The following METTL15 variants were observed in gnomAD, a reference collection of about 807,000 sequenced individuals.
METTL15 encodes methyltransferase 15, mitochondrial 12S rRNA N4-cytidine.
In METTL15, 34 loss-of-function variants were observed where a neutral mutation model predicts 38.3. The ratio of observed to expected loss-of-function variants is 0.89; its 90% CI spans 0.68 to 1.18. The LOEUF (loss-of-function observed/expected upper bound fraction) is 1.18, where lower values mean the gene tolerates loss of function less well. Among genes scored for constraint, METTL15 ranks in the 50% most tolerant of loss-of-function variants. METTL15 has a pLI of 0.00. For missense variants in METTL15, 438 were observed against 498.4 expected (o/e 0.88, Z 1.15); for synonymous variants, 162 against 170.9 (o/e 0.95, Z 0.41).
chr11:28,260,938 C>G (rs1351077857), intron 4 of METTL15, among the ~76,000 whole-genome samples: 6 of 152,148 alleles, frequency 3.9e-5, no homozygotes, highest in Admixed American at 2.6e-4. Context: ...TTGGTAGTTA[C>G]TGTACCTGGG....
intron 3 of METTL15, chr11:28,145,750 A>G (rs1332713251): frequency 1.3e-5 from 2 of 152,124 alleles, no homozygotes; most frequent in African/African-American, 2.4e-5. Flanking sequence ...GATAAACTGT[A>G]TAATAAAAGT....
intron 3 of METTL15, among the ~76,000 whole-genome samples, chr11:28,169,759 T>C (rs780741472): frequency 6.6e-6 from 1 of 152,038 alleles, no homozygotes; most frequent in Non-Finnish European, 1.5e-5. Context: ...TCAAAGTTAA[T>C]ATAAGCCTTT....
chr11:28,182,810 G>T (rs1231615332), intron 3 of METTL15, among the ~76,000 whole-genome samples: 1 of 152,100 alleles, frequency 6.6e-6, no homozygotes, highest in Non-Finnish European at 1.5e-5. Flanking sequence ...GTGGTAGCTT[G>T]ATGGGGATAG....
At chr11:28,354,123 A>G (rs1590342770) in intron 4 of METTL15, among the ~76,000 whole-genome samples, 1 of 152,162 alleles carries the variant, frequency 6.6e-6, no homozygotes, top group Admixed American at 6.5e-5. Flanking sequence ...GAGGGAAATA[A>G]TGAGAGAGAG....
At chr11:28,456,134 G>A (rs1277684556) in intron 6 of METTL15, among the ~76,000 whole-genome samples, 2 of 151,570 alleles carry the variant, frequency 1.3e-5, no homozygotes, top group Admixed American at 1.3e-4. Flanking sequence ...GCCTCATGAG[G>A]AGCTGGGACT....
intron 5 of METTL15, among the ~76,000 whole-genome samples, chr11:28,383,546 CT>C (rs1450152703): frequency 2.0e-5 from 3 of 152,112 alleles, no homozygotes; most frequent in Admixed American, 6.6e-5. Flanking sequence ...TGCCACACTG[CT>C]TTTTACAATG....
chr11:28,224,826 G>T (rs1224920942), intron 4 of METTL15, among the ~76,000 whole-genome samples: 2 of 151,570 alleles, frequency 1.3e-5, no homozygotes, highest in Non-Finnish European at 3.0e-5. Flanking sequence ...GGATACATTG[G>T]TGTTATCTTT....
intron 6 of METTL15, among the ~76,000 whole-genome samples, chr11:28,457,570 C>T (rs955200288): frequency 1.3e-5 from 2 of 152,160 alleles, no homozygotes; most frequent in African/African-American, 2.4e-5. Flanking sequence ...TTAGATGCTA[C>T]GTGACTTCAT....
chr11:28,506,297 T>G (rs1172761233), intron 6 of METTL15, among the ~76,000 whole-genome samples: 2 of 152,354 alleles, frequency 1.3e-5, no homozygotes, highest in East Asian at 3.9e-4. Context: ...TCCTGTGATG[T>G]AACAGAATAA....
intron 6 of METTL15, among the ~76,000 whole-genome samples, chr11:28,440,291 A>G (rs554522735): frequency 6.6e-6 from 1 of 152,222 alleles, no homozygotes; most frequent in Non-Finnish European, 1.5e-5. Flanking sequence ...CATAATCATT[A>G]CAATCATGAC....
intron 3 of METTL15, among the ~76,000 whole-genome samples, chr11:28,168,807 T>G (rs998614524): frequency 9.2e-5 from 14 of 151,956 alleles, no homozygotes; most frequent in African/African-American, 2.4e-4. Flanking sequence ...ATTTAAAAAT[T>G]TACATGGAGA....
intron 5 of METTL15, among the ~76,000 whole-genome samples, chr11:28,419,639 G>A (rs890976103): frequency 6.6e-6 from 1 of 152,062 alleles, no homozygotes; most frequent in Non-Finnish European, 1.5e-5. Context: ...ATATCATCCA[G>A]GAAAACATGA....
chr11:28,108,634 G>A (rs1032815393), intron 1 of METTL15, among the ~76,000 whole-genome samples, 182 bp downstream of exon 1: 19 of 152,164 alleles, frequency 1.2e-4, no homozygotes, highest in Non-Finnish European at 2.2e-4. Flanking sequence ...AAAATGTGGG[G>A]TCTCTTCACC....
intron 6 of METTL15, among the ~76,000 whole-genome samples, chr11:28,496,506 A>G (rs913992957): frequency 2.6e-5 from 4 of 152,224 alleles, no homozygotes; most frequent in African/African-American, 9.6e-5. Flanking sequence ...TTGAACCACC[A>G]TAAAGTTTAC....
chr11:28,218,493 G>A (rs1853017416), intron 4 of METTL15, among the ~76,000 whole-genome samples: 1 of 152,178 alleles, frequency 6.6e-6, no homozygotes, highest in South Asian at 2.1e-4. Flanking sequence ...ATACAATCAT[G>A]TCATCTGCAA....
intron 5 of METTL15, among the ~76,000 whole-genome samples, chr11:28,366,117 C>A (rs1304756478): frequency 6.6e-6 from 1 of 151,948 alleles, no homozygotes; most frequent in East Asian, 1.9e-4. Context: ...TAATTTCAGG[C>A]AGTAATTATT....
At chr11:28,479,728 C>G (rs755746090) in intron 6 of METTL15, among the ~76,000 whole-genome samples, 1 of 151,916 alleles carries the variant, frequency 6.6e-6, no homozygotes, top group Non-Finnish European at 1.5e-5. Flanking sequence ...ACATAACCAG[C>G]GATGTGGCAA....
At chr11:28,333,602 A>T (rs1445323189), downstream of METTL15, 1 of 152,142 alleles carries the variant, frequency 6.6e-6, no homozygotes, top group Non-Finnish European at 1.5e-5. Context: ...TTACTTAAAT[A>T]AAATTTAATA....
intron 5 of METTL15, among the ~76,000 whole-genome samples, chr11:28,380,689 C>T (rs938865873): frequency 5.3e-5 from 8 of 152,092 alleles, no homozygotes; most frequent in African/African-American, 1.7e-4. Flanking sequence ...TTAAAAGCAT[C>T]TTATTGATAT....
Sources: allele counts gnomAD v4.1 joint callset (sites outside exome capture counted in the v4.1 genomes callset), GRCh38; gene constraint gnomAD v4.1.1; transcripts MANE v1.5; gene names NCBI Gene and HGNC (gene_info 2026-07-23, HGNC 2026-07-21).